Variants in CSGALNACT2 observed in about 807,000 individuals in gnomAD.
The protein encoded by CSGALNACT2 is beta 4 GalNAcT-2.
CSGALNACT2 carries 35 observed loss-of-function variants against 55.3 expected under a neutral mutation model. The ratio of observed to expected loss-of-function variants is 0.63; its 90% CI spans 0.48 to 0.84. The LOEUF (loss-of-function observed/expected upper bound fraction) is 0.84, where lower values mean the gene tolerates loss of function less well. Among genes scored for constraint, CSGALNACT2 ranks in the 40% least tolerant of loss-of-function variants. The pLI is 0.00. For missense variants in CSGALNACT2, 544 were observed against 657.5 expected (o/e 0.83, Z 1.89); for synonymous variants, 196 against 224.9 (o/e 0.87, Z 1.15).
chr10:43,179,249 GTT>G (rs370486751), intron 7 of CSGALNACT2, among the ~76,000 whole-genome samples: 16 of 129,346 alleles, frequency 1.2e-4, no homozygotes, highest in African/African-American at 2.5e-4. Flanking sequence ...TTGCTTGCCG[GTT>G]TTTTTTTTTT....
intron 4 of CSGALNACT2, chr10:43,162,521 A>T (rs7096367): frequency 0.18 from 174,230 of 985,192 alleles, 15,878 homozygotes; most frequent in Middle Eastern, 0.25. Context: ...CCCCCAACAG[A>T]GGAGAGATTT....
intron 7 of CSGALNACT2, 98 bp downstream of exon 7, chr10:43,176,130 T>G: frequency 1.1e-6 from 1 of 903,246 alleles, no homozygotes; most frequent in Non-Finnish European, 1.7e-6. Context: ...CCTACTAAAG[T>G]ATGAGTGTCT....
At chr10:43,147,185 C>T (rs1260207155) in intron 1 of CSGALNACT2, among the ~76,000 whole-genome samples, 12 of 151,402 alleles carry the variant, frequency 7.9e-5, no homozygotes, top group South Asian at 2.1e-4. Flanking sequence ...CCGTTTTAGC[C>T]GGGATGGTCT....
rs1193419894 is a variant in CSGALNACT2 at position 43,183,708 on chromosome 10, T to C, written c.*166T>C. 5 of 612,092 alleles carry C rather than the reference T, an allele frequency of 8.2e-6. No homozygotes were observed. The highest frequency in any genetic ancestry group is 1.4e-5 in the Non-Finnish European group (5 of 347,070). 37.9% of individuals were successfully genotyped at this position (612,092 alleles called of 1,614,324 possible). ...ACTTGATGTGAGAAGAAAAAACAAATGTTTCAACACAAAATCTCTGTTTTG... is the reference window on the plus strand; with the variant it reads ...ACTTGATGTGAGAAGAAAAAACAAACGTTTCAACACAAAATCTCTGTTTTG... On this transcript the variant is annotated 3_prime_UTR_variant, in exon 8 of 8. Transcript: ENST00000374466.
intron 4 of CSGALNACT2, chr10:43,162,817 T>C (rs76468668): frequency 0.055 from 51,230 of 927,386 alleles, 1,520 homozygotes; most frequent in South Asian, 0.092. Flanking sequence ...AGTTTGCTTC[T>C]CTAACATGTT....
intron 7 of CSGALNACT2, among the ~76,000 whole-genome samples, chr10:43,181,355 T>C (rs960464995): frequency 6.6e-6 from 1 of 152,194 alleles, no homozygotes; most frequent in Admixed American, 6.5e-5. Context: ...TAAGAGGAGT[T>C]GTTGCTTTTT....
chr10:43,177,471 C>G (rs1435621878), intron 7 of CSGALNACT2, among the ~76,000 whole-genome samples: 1 of 152,162 alleles, frequency 6.6e-6, no homozygotes, highest in Non-Finnish European at 1.5e-5. Context: ...GGTCTACTTC[C>G]TATAGATTTG....
intron 1 of CSGALNACT2, among the ~76,000 whole-genome samples, chr10:43,147,061 C>T (rs1411000034): frequency 7.7e-6 from 1 of 129,328 alleles, no homozygotes; most frequent in Non-Finnish European, 1.6e-5. Flanking sequence ...CTGCAAGCTC[C>T]GCCTCCCGGG....
At chr10:43,148,708 C>G (rs1838813195) in intron 1 of CSGALNACT2, among the ~76,000 whole-genome samples, 1 of 151,920 alleles carries the variant, frequency 6.6e-6, no homozygotes, top group African/African-American at 2.4e-5. Flanking sequence ...TAGAGAAATA[C>G]AATTGATTTT....
At chr10:43,159,878 T>G (rs1419077367) in intron 3 of CSGALNACT2, among the ~76,000 whole-genome samples, 1 of 152,258 alleles carries the variant, frequency 6.6e-6, no homozygotes, top group Non-Finnish European at 1.5e-5. Context: ...GTGATCCTAG[T>G]CTTTATTCTC....
Position 43,175,996 on chromosome 10 carries a change from A to G in CSGALNACT2, c.1300A>G (p.Met434Val), listed in dbSNP as rs2133151719. 2 of 1,610,338 alleles carry G rather than the reference A, an allele frequency of 1.2e-6. No individual in the cohort carries two copies. Among genetic ancestry groups the G allele is most frequent in the East Asian group, 4.5e-5 (2 of 44,786 alleles). Reference protein sequence around the residue: ...SGFWRDFGFGMTCQYRSDFLT... With the variant: ...SGFWRDFGFGVTCQYRSDFLT... ...CTTTTGGCGAGATTTTGGCTTTGGA[A>G]TGACTTGTCAGTATCGTTCAGATTT... Residue 434 changes from methionine to valine, a missense_variant, in exon 7 of 8, where the codon ATG (methionine) becomes GTG (valine). Physicochemically the swap from Met to Val is conservative, Grantham distance 21. Around this residue, in one of 2 missense-constraint regions of CSGALNACT2, gnomAD observed 170 missense variants for 256.2 expected, o/e 0.66. Transcript: ENST00000374466.
At chr10:43,157,672 A>G (rs1588899961) in intron 2 of CSGALNACT2, among the ~76,000 whole-genome samples, 1 of 152,034 alleles carries the variant, frequency 6.6e-6, no homozygotes, top group African/African-American at 2.4e-5. Context: ...ATACCCAGAT[A>G]TTTACTGAGT....
At chr10:43,183,202 C>A (rs779951913) in intron 7 of CSGALNACT2, 48 bp from the exon 8 acceptor site, 13 of 1,395,452 alleles carry the variant, frequency 9.3e-6, no homozygotes, top group Non-Finnish European at 7.1e-6. Context: ...TCCCTGTGCT[C>A]TGGCTAATAA....
intron 3 of CSGALNACT2, among the ~76,000 whole-genome samples, chr10:43,159,489 T>C (rs1475982526): frequency 6.6e-6 from 1 of 152,130 alleles, no homozygotes; most frequent in Non-Finnish European, 1.5e-5. Context: ...TCTTGCCATG[T>C]TGTCCAGGCT....
At chr10:43,144,776 T>G (rs1448626630) in intron 1 of CSGALNACT2, among the ~76,000 whole-genome samples, 1 of 152,060 alleles carries the variant, frequency 6.6e-6, no homozygotes, top group African/African-American at 2.4e-5. Context: ...CTCCCAAAAG[T>G]TTTTTCACCC....
intron 7 of CSGALNACT2, 149 bp from the exon 8 acceptor site, chr10:43,183,101 G>A (rs1389319404): frequency 1.5e-6 from 1 of 654,530 alleles, no homozygotes; most frequent in Non-Finnish European, 2.7e-6. Context: ...CGGTGACTGG[G>A]AGTCACTCCT....
intron 3 of CSGALNACT2, among the ~76,000 whole-genome samples, 199 bp downstream of exon 3, chr10:43,159,130 ATAAAT>A (rs1839089192): frequency 6.6e-6 from 1 of 152,188 alleles, no homozygotes. Context: ...GAACTATGAA[ATAAAT>A]TAAGAGTGAC....
chr10:43,160,554 A>G lies in CSGALNACT2; in HGVS notation c.939A>G (p.Glu313=). ...TCACAGTGGTGTATTTTGGTAAAGAAGGACTGTCTAAAGTCAAGTCTATCC... is the reference window on the plus strand; with the variant it reads ...TCACAGTGGTGTATTTTGGTAAAGAGGGACTGTCTAAAGTCAAGTCTATCC... ...IHLTVVYFGK[E]GLSKVKSILE... The change falls in exon 4 of 8, where the codon GAA becomes GAG. Residue 313 remains glutamate (E), a synonymous_variant. Transcript: ENST00000374466. 6.3e-7 allele frequency: 1 copy of G among 1,595,370 alleles called. No homozygotes were observed.
chr10:43,155,764 T>C lies in CSGALNACT2; in HGVS notation c.615T>C (p.Gly205=), dbSNP rs141131798. 454 of 1,613,244 alleles carry C rather than the reference T, an allele frequency of 2.8e-4. No individual in the cohort carries two copies. Among genetic ancestry groups the C allele is most frequent in the Non-Finnish European group, 3.8e-4 (445 of 1,179,722 alleles). The change falls in exon 2 of 8, where the codon GGT becomes GGC. Residue 205 remains glycine, a synonymous_variant. Transcript: ENST00000374466. ...DEDDEQEDEE[G]PLGEKLIFNE... ...ATGATGAACAAGAAGATGAGGAGGG[T>C]CCCCTTGGAGAGAAACTGATATTTA...
Sources: gnomAD v4.1 joint callset for allele counts (sites outside exome capture counted in the v4.1 genomes callset) on GRCh38, gnomAD v4.1.1 for gene constraint, gnomAD v4.1.1 regional missense constraint, MANE v1.5 for transcripts, NCBI Gene and HGNC (gene_info 2026-07-23, HGNC 2026-07-21) for gene names.